Variants in HSD17B12 observed in about 807,000 individuals in gnomAD.
HSD17B12 encodes the protein very-long-chain 3-oxoacyl-CoA reductase.
A neutral mutation model predicts 39.3 loss-of-function variants in HSD17B12; 32 were observed. The ratio of observed to expected loss-of-function variants is 0.81; its 90% CI spans 0.61 to 1.09. The LOEUF (loss-of-function observed/expected upper bound fraction) is 1.09, where lower values mean the gene tolerates loss of function less well. Ranked by LOEUF, HSD17B12 falls within the 50% of genes least tolerant of loss-of-function variation. The probability of loss-of-function intolerance (pLI) is 0.00; values close to 1 mark genes in which losing one functional copy is unlikely to be tolerated. For missense variants in HSD17B12, 342 were observed against 382.9 expected (o/e 0.89, Z 0.89); for synonymous variants, 150 against 146.7 (o/e 1.02, Z -0.16).
chr11:43,601,500 CTTTTTT>C, the HSD17B12 span, among the ~76,000 whole-genome samples: 28 of 141,452 alleles, frequency 2.0e-4, no homozygotes, highest in East Asian at 1.0e-3. Flanking sequence ...AGTTAAAGAG[CTTTTTT>C]TTTTTTTTTT....
intron 1 of HSD17B12, among the ~76,000 whole-genome samples, chr11:43,685,829 A>G (rs892153651): frequency 6.6e-6 from 1 of 152,188 alleles, no homozygotes; most frequent in Admixed American, 6.5e-5. Context: ...TTTAAAATTT[A>G]AATTTTTGTT....
the HSD17B12 span, among the ~76,000 whole-genome samples, chr11:43,646,553 A>G: frequency 2.0e-5 from 3 of 152,200 alleles, no homozygotes; most frequent in East Asian, 5.8e-4. Context: ...AAGATACATG[A>G]ATTTTTAATT....
rs1330765311 is a variant in HSD17B12 at position 43,791,109 on chromosome 11, T to C, written c.284-7211T>C. 1.3e-5 allele frequency among the ~76,000 whole-genome samples: 2 copies of C among 152,242 alleles called. 1 individual carries two copies. The highest frequency in any genetic ancestry group is 2.9e-5 in the Non-Finnish European group (2 of 68,042). On this transcript the variant is annotated intron_variant, in intron 3 of 10. Coordinates refer to ENST00000278353, the MANE Select transcript of HSD17B12 (RefSeq NM_016142.3). Reference sequence around the variant, plus strand: ...GTTCAAAGGCTTGAGTGAAGGGCCTTAGGCCAGCAACCAGTTGAGTTGGCA... The same window carrying C: ...GTTCAAAGGCTTGAGTGAAGGGCCTCAGGCCAGCAACCAGTTGAGTTGGCA...
the HSD17B12 span, among the ~76,000 whole-genome samples, chr11:43,641,261 G>GAA: frequency 6.7e-6 from 1 of 149,678 alleles, no homozygotes; most frequent in East Asian, 1.9e-4. Context: ...CTTTTTTTTT[G>GAA]CACTTTCTCA....
chr11:43,847,924 T>A (rs781207300), intron 9 of HSD17B12, among the ~76,000 whole-genome samples: 7 of 152,154 alleles, frequency 4.6e-5, no homozygotes, highest in Admixed American at 2.0e-4. Flanking sequence ...AATTTAAGAA[T>A]TTTTTAATGA....
intron 1 of HSD17B12, among the ~76,000 whole-genome samples, chr11:43,705,977 G>T (rs1193448297): frequency 1.3e-5 from 2 of 151,794 alleles, no homozygotes; most frequent in Admixed American, 6.6e-5. Context: ...TGCCTAGGCT[G>T]GTAGATTTCT....
intron 1 of HSD17B12, among the ~76,000 whole-genome samples, chr11:43,698,881 A>C (rs1396368714): frequency 6.6e-6 from 1 of 152,232 alleles, no homozygotes; most frequent in Middle Eastern, 3.2e-3. Flanking sequence ...TGTGATCAAC[A>C]CCTGAGTCTC....
At chr11:43,625,268 C>T in the HSD17B12 span, among the ~76,000 whole-genome samples, 6 of 151,514 alleles carry the variant, frequency 4.0e-5, no homozygotes, top group Admixed American at 2.0e-4. Flanking sequence ...AGAAACTCTT[C>T]AAGATGGCAT....
chr11:43,705,446 T>A (rs1950003981), intron 1 of HSD17B12, among the ~76,000 whole-genome samples: 1 of 152,222 alleles, frequency 6.6e-6, no homozygotes, highest in African/African-American at 2.4e-5. Context: ...TACCTGGTAA[T>A]CTGGGAGACT....
chr11:43,791,647 G>A (rs11037643), intron 3 of HSD17B12, among the ~76,000 whole-genome samples: 2,770 of 152,134 alleles, frequency 0.018, 76 homozygotes, highest in African/African-American at 0.048. Flanking sequence ...AAAAATCAAC[G>A]TTGTTATATG....
At chr11:43,840,132 T>C (rs1951411415) in intron 9 of HSD17B12, 68 bp downstream of exon 9, 1 of 1,277,148 alleles carries the variant, frequency 7.8e-7, no homozygotes. Flanking sequence ...TGTTGCTGTC[T>C]TGGCAATAAC....
At chr11:43,670,493 G>T in the HSD17B12 span, 21 of 152,230 alleles carry the variant, frequency 1.4e-4, no homozygotes, top group African/African-American at 4.3e-4. Flanking sequence ...TTGGTTTTTG[G>T]TTCTTGAGTT....
intron 1 of HSD17B12, among the ~76,000 whole-genome samples, chr11:43,695,584 A>G (rs1412914755): frequency 3.9e-5 from 6 of 152,222 alleles, no homozygotes; most frequent in African/African-American, 1.4e-4. Flanking sequence ...GTCTCAAAAA[A>G]AAATCTTTAT....
At chr11:43,777,740 G>T (rs1950721511) in intron 3 of HSD17B12, among the ~76,000 whole-genome samples, 4 of 152,102 alleles carry the variant, frequency 2.6e-5, no homozygotes, top group Admixed American at 2.6e-4. Context: ...ATTGGCTGTG[G>T]GTTTGTCGTA....
At chr11:43,732,991 C>T (rs1950283602) in intron 1 of HSD17B12, among the ~76,000 whole-genome samples, 1 of 152,182 alleles carries the variant, frequency 6.6e-6, no homozygotes, top group African/African-American at 2.4e-5. Context: ...AAATGTCATT[C>T]TCAGTGGTGA....
intron 3 of HSD17B12, among the ~76,000 whole-genome samples, chr11:43,756,585 A>G (rs1950509706): frequency 6.6e-6 from 1 of 152,212 alleles, no homozygotes; most frequent in African/African-American, 2.4e-5. Flanking sequence ...TTGCCTCTCA[A>G]TGAATGCATC....
At chr11:43,759,436 AC>A (rs1436145380) in intron 3 of HSD17B12, among the ~76,000 whole-genome samples, 1 of 152,182 alleles carries the variant, frequency 6.6e-6, no homozygotes, top group Non-Finnish European at 1.5e-5. Context: ...GATACCTGTC[AC>A]CCTTTTAATT....
chr11:43,729,915 T>C (rs985894816), intron 1 of HSD17B12, among the ~76,000 whole-genome samples: 2 of 152,122 alleles, frequency 1.3e-5, no homozygotes, highest in Non-Finnish European at 2.9e-5. Context: ...AATCAAAACA[T>C]TTTTCTTTTA....
chr11:43,677,897 G>A (rs1391605187), upstream of HSD17B12, among the ~76,000 whole-genome samples: 5 of 152,192 alleles, frequency 3.3e-5, no homozygotes, highest in Admixed American at 6.5e-5. Context: ...AAACATACGC[G>A]TGCATGTGTC....
Sources: gnomAD v4.1 joint callset for allele counts (sites outside exome capture counted in the v4.1 genomes callset) on GRCh38, gnomAD v4.1.1 for gene constraint, MANE v1.5 for transcripts, NCBI Gene and HGNC (gene_info 2026-07-23, HGNC 2026-07-21) for gene names.